The following ZZEF1 variants were observed in gnomAD, a reference collection of about 807,000 sequenced individuals.
The protein encoded by ZZEF1 is zinc finger ZZ-type and EF-hand domain containing 1.
Under a neutral mutation model 342.8 loss-of-function variants are expected in ZZEF1, and 157 were observed. That is an observed-to-expected ratio of 0.46 (90% CI 0.40 to 0.52). The LOEUF is 0.52. ZZEF1 is among the 20% of genes least tolerant of loss of function. The pLI is 0.00. For synonymous variants in ZZEF1, 1,505 were observed against 1,429.1 expected, an observed-to-expected ratio of 1.05 and a Z score of -1.20; for missense variants, 3,480 against 3,725.6, an observed-to-expected ratio of 0.93 and a Z score of 1.72.
intron 3 of ZZEF1, among the ~76,000 whole-genome samples, chr17:4,115,661 G>A (rs925074548): frequency 2.6e-5 from 4 of 152,040 alleles, no homozygotes; most frequent in Non-Finnish European, 4.4e-5. Context: ...AGACTCCGTC[G>A]CAAATAAATA....
chr17:4,022,460 A>T, intron 44 of ZZEF1: 1 of 432,176 alleles, frequency 2.3e-6, no homozygotes, highest in Non-Finnish European at 4.2e-6. Context: ...ATGGTTAATC[A>T]TGTGTTTCCA....
chr17:4,141,356 T>C (rs531866452), intron 1 of ZZEF1, among the ~76,000 whole-genome samples: 1 of 152,330 alleles, frequency 6.6e-6, no homozygotes, highest in East Asian at 1.9e-4. Flanking sequence ...AACAGAACCT[T>C]TTAAAGGCAC....
rs777639009 is a variant in ZZEF1, at chr17:4,117,091, C to T, written c.575G>A (p.Arg192His). The T allele has an allele frequency of 1.2e-5, 19 of 1,614,126 alleles. No homozygotes were observed. The highest frequency in any genetic ancestry group is 4.5e-5 in the East Asian group (2 of 44,876). Residue 192 changes from arginine (R) to histidine (H), a missense_variant, in exon 3 of 55, where the codon CGC becomes CAC. Physicochemically the swap from Arg to His is conservative, Grantham distance 29. This residue lies in a region of ZZEF1 where 416 missense variants were observed against 374.2 expected (regional missense o/e 1.11). Transcript: ENST00000381638. Reference protein sequence around the residue: ...HSSMILRFLHRNRLSSAVMPY... With the variant: ...HSSMILRFLHHNRLSSAVMPY... ...CATCACCGCGCTGGAGAGCCGATTG[C>T]GGTGCAGGAAGCGCAGTATCATTGA...
chr17:4,075,971 TTAAG>T (rs10607199), intron 21 of ZZEF1: 10,862 of 152,320 alleles, frequency 0.071, 472 homozygotes, highest in Admixed American at 0.13. Context: ...GTATGTATAA[TTAAG>T]TAAGGGAGAA....
intron 29 of ZZEF1, 134 bp downstream of exon 29, chr17:4,064,227 G>T: frequency 2.8e-6 from 2 of 724,596 alleles, no homozygotes; most frequent in Non-Finnish European, 4.2e-6. Context: ...AACTTTTCTT[G>T]AATATTCTAA....
At chr17:4,079,122 C>T (rs927935443) in intron 18 of ZZEF1, among the ~76,000 whole-genome samples, 1 of 152,198 alleles carries the variant, frequency 6.6e-6, no homozygotes, top group African/African-American at 2.4e-5. Context: ...CATTTCTCCA[C>T]GTACATCTTA....
At chr17:4,106,092 G>A (rs1307798798) in intron 6 of ZZEF1, among the ~76,000 whole-genome samples, 1 of 152,132 alleles carries the variant, frequency 6.6e-6, no homozygotes, top group Admixed American at 6.5e-5. Flanking sequence ...TAGGATTACA[G>A]GAGCCCGCCA....
At position 4,059,231 on chromosome 17, in the gene ZZEF1, T is replaced by C. The variant is rs775665289; in HGVS notation, c.4943A>G (p.Tyr1648Cys). 6.2e-7 allele frequency: 1 copy of C among 1,608,684 alleles called. No homozygotes were observed. The highest frequency in any genetic ancestry group is 8.5e-7 in the Non-Finnish European group (1 of 1,179,158). Residue 1648 changes from tyrosine to cysteine, a missense_variant, in exon 31 of 55, where the codon TAC (tyrosine) becomes TGC (cysteine). Transcript: ENST00000381638. ...ADLHKEIRDT[Y>C]YQLVLFLVKA... ...GACCAAAAACAGAACAAGTTGATAGTAAGTGTCTCGAATTTCTTTGTGTAG... is the reference window on the plus strand; with the variant it reads ...GACCAAAAACAGAACAAGTTGATAGCAAGTGTCTCGAATTTCTTTGTGTAG...
At chr17:4,019,913 A>C (rs1157773874) in intron 45 of ZZEF1, 144 bp from the exon 46 acceptor site, 1 of 568,462 alleles carries the variant, frequency 1.8e-6, no homozygotes, top group African/African-American at 2.0e-5. Context: ...TAGTTTAAAA[A>C]GCATATAAAA....
At chr17:4,130,249 T>C (rs1282016280) in intron 1 of ZZEF1, among the ~76,000 whole-genome samples, 1 of 151,700 alleles carries the variant, frequency 6.6e-6, no homozygotes, top group Non-Finnish European at 1.5e-5. Context: ...AGGTCAGGAG[T>C]TTGAAACTAG....
In ZZEF1 at chr17:4,005,941, T is replaced by C. The variant is rs1294618240; in HGVS notation, c.*949A>G. 6.6e-6 allele frequency: 1 copy of C among 152,246 alleles called. No homozygotes were observed. The highest frequency in any genetic ancestry group is 1.9e-4 in the East Asian group (1 of 5,198). 9.4% of individuals were successfully genotyped at this position (152,246 alleles called of 1,614,324 possible). ...GCACTGACTAGAACTAATGTCGTTA[T>C]TGCTACAAGTGACAGCCAAACAGCC... On this transcript the variant is annotated 3_prime_UTR_variant, in exon 55 of 55. Coordinates refer to ENST00000381638, the MANE Select transcript of ZZEF1 (RefSeq NM_015113.4).
intron 1 of ZZEF1, among the ~76,000 whole-genome samples, chr17:4,126,245 AG>A (rs1334385925): frequency 2.0e-5 from 3 of 147,046 alleles, no homozygotes; most frequent in Non-Finnish European, 4.5e-5. Context: ...AAAAAAAAAA[AG>A]AGTTAGGAGG....
chr17:4,058,198 C>CCAACAGAGG (rs2057208634), intron 31 of ZZEF1, 43 bp from the exon 32 acceptor site: 4 of 1,548,794 alleles, frequency 2.6e-6, no homozygotes, highest in Non-Finnish European at 3.5e-6. Flanking sequence ...CTGCTTACTC[C>CCAACAGAGG]CAACAGAGGC....
intron 9 of ZZEF1, among the ~76,000 whole-genome samples, chr17:4,097,412 G>A (rs984191686): frequency 6.7e-6 from 1 of 150,102 alleles, no homozygotes; most frequent in Non-Finnish European, 1.5e-5. Flanking sequence ...CTTAGTGGCT[G>A]AGAAAGGGAT....
At chr17:4,075,981 G>C (rs1291178412) in intron 21 of ZZEF1, 1 of 151,962 alleles carries the variant, frequency 6.6e-6, no homozygotes, top group East Asian at 1.9e-4. Flanking sequence ...TTAAGTAAGG[G>C]AGAAATTTCT....
At chr17:4,135,083 G>A (rs1312055719) in intron 1 of ZZEF1, among the ~76,000 whole-genome samples, 1 of 152,126 alleles carries the variant, frequency 6.6e-6, no homozygotes. Flanking sequence ...TACAGTAAGG[G>A]CACCATGGGG....
intron 1 of ZZEF1, among the ~76,000 whole-genome samples, chr17:4,130,474 A>C (rs2058646344): frequency 6.6e-6 from 1 of 152,084 alleles, no homozygotes; most frequent in African/African-American, 2.4e-5. Flanking sequence ...TAAATAAATA[A>C]AAATAAAAAG....
rs199522701 is a variant in ZZEF1, at chr17:4,066,401, C to T, written c.4249+46G>A. On this transcript the variant is annotated intron_variant, in intron 28 of 54. Coordinates refer to ENST00000381638, the MANE Select transcript of ZZEF1 (RefSeq NM_015113.4). ...GTAATTGGTTTTCCAGGCTCTAAAA[C>T]GAAAACAGAAGGCTCAGGGACAACA... The T allele has an allele frequency of 4.5e-5, 72 of 1,591,858 alleles. 1 individual carries two copies. In the East Asian group the frequency reaches 5.1e-4, roughly 11 times the overall value.
intron 52 of ZZEF1, among the ~76,000 whole-genome samples, chr17:4,012,106 G>T (rs564635732): frequency 3.2e-4 from 49 of 152,336 alleles, no homozygotes; most frequent in Admixed American, 7.8e-4. Context: ...TGCGGCACAG[G>T]TCTTCTTTCC....
Sources: allele counts gnomAD v4.1 joint callset (sites outside exome capture counted in the v4.1 genomes callset), GRCh38; gene constraint gnomAD v4.1.1; regional missense constraint gnomAD v4.1.1; transcripts MANE v1.5; gene names NCBI Gene and HGNC (gene_info 2026-07-23, HGNC 2026-07-21).